WNT10B: variants seen among roughly 807,000 people sequenced by gnomAD.
WNT10B encodes protein Wnt-10b.
In WNT10B, 26 loss-of-function variants were observed where a neutral mutation model predicts 32.7. The ratio of observed to expected loss-of-function variants is 0.79; its 90% confidence interval spans 0.58 to 1.10. WNT10B has a LOEUF of 1.10. Ranked by LOEUF, WNT10B falls within the 50% of genes least tolerant of loss-of-function variation. The pLI is 0.00. For missense variants in WNT10B, 474 were observed against 532.5 expected, an observed-to-expected ratio of 0.89 and a Z score of 1.08; for synonymous variants, 204 against 220.4, an observed-to-expected ratio of 0.93 and a Z score of 0.66.
At position 48,970,067 on chromosome 12, in the gene WNT10B, C is replaced by G. The variant is rs1480431979; in HGVS notation, c.337+22G>C. Reference sequence around the variant, plus strand: ...CACCCCCTAGCCTCCGCGGCAGCGCCGACCCGCCCAGCCAGGCTCACCGCG... The same window carrying G: ...CACCCCCTAGCCTCCGCGGCAGCGCGGACCCGCCCAGCCAGGCTCACCGCG... On this transcript the variant is annotated intron_variant, in intron 3 of 4. Transcript: ENST00000301061. The surrounding 1 kb of genome is among the most constrained non-coding windows in gnomAD (Gnocchi z 5.0). The G allele has an allele frequency of 1.3e-6, 2 of 1,491,770 alleles. No homozygotes were observed. Among genetic ancestry groups the G allele is most frequent in the Non-Finnish European group, 1.8e-6 (2 of 1,123,118 alleles). 92.4% of individuals were successfully genotyped at this position (1,491,770 alleles called of 1,614,324 possible).
At chr12:48,966,752 A>G (rs1359454223) in intron 4 of WNT10B, among the ~76,000 whole-genome samples, 199 bp from the exon 5 acceptor site, 3 of 152,200 alleles carry the variant, frequency 2.0e-5, no homozygotes, top group Non-Finnish European at 4.4e-5. Flanking sequence ...TTGAAGACAG[A>G]GCAGTGTGAT....
rs145553241 is a variant in WNT10B at position 48,970,788 on chromosome 12, C to T, written c.-40-219G>A. The stretch of plus-strand genomic sequence containing the variant: ...GTCAAGGCGTTGTCCCAGCTCAGGA[C>T]TCAAGCGAGCACCCCTGGAACCTTG... On this transcript the variant is annotated intron_variant, in intron 1 of 4. Coordinates refer to ENST00000301061, the MANE Select transcript of WNT10B (RefSeq NM_003394.4). This position sits in a 1 kb window ranked among gnomAD's most constrained non-coding sequence, Gnocchi z 5.0. 1.0e-3 allele frequency: 606 copies of T among 584,296 alleles called. No homozygotes were observed. Among genetic ancestry groups the T allele is most frequent in the African/African-American group, 7.5e-3 (404 of 53,706 alleles). 36.2% of individuals were successfully genotyped at this position (584,296 alleles called of 1,614,324 possible). A position where few individuals can be genotyped will look rare whatever the true frequency, so the allele number is the denominator to read the frequency against.
At position 48,970,192 on chromosome 12, in the gene WNT10B, GAT is replaced by G. The variant is rs1940825964; in HGVS notation, c.232_233del (p.Ile78ArgfsTer20). 2 of 1,580,398 alleles carry G rather than the reference GAT, an allele frequency of 1.3e-6. No individual in the cohort carries two copies. Among genetic ancestry groups the G allele is most frequent in the Admixed American group, 1.8e-5 (1 of 55,514 alleles). Reference sequence around the variant, plus strand: ...GCTGGTGCTGACACTCGTGGACCGCGATGTGCAGACCCTGAAGCGCGGACGCC... The same window carrying G: ...GCTGGTGCTGACACTCGTGGACCGCGGTGCAGACCCTGAAGCGCGGACGCC... ...VTASALQGLHIAVHECQHQLR... is the reference protein window; with the variant it reads ...VTASALQGLHXAVHECQHQLR... On this transcript the variant is annotated frameshift_variant, in exon 3 of 5. Transcript: ENST00000301061. LOFTEE classifies it high-confidence loss of function. The surrounding 1 kb of genome is among the most constrained non-coding windows in gnomAD (Gnocchi z 5.0).
Position 48,970,068 on chromosome 12 carries a change from G to T in WNT10B, c.337+21C>A. The T allele has an allele frequency of 6.7e-7, 1 of 1,492,536 alleles. No individual in the cohort carries two copies. The highest frequency in any genetic ancestry group is 1.3e-5 in the South Asian group (1 of 79,112). The allele number at this position is 1,492,536 out of a possible 1,614,324, so 92.5% of individuals were successfully genotyped here. A position where few individuals can be genotyped will look rare whatever the true frequency, so the allele number is the denominator to read the frequency against. ...ACCCCCTAGCCTCCGCGGCAGCGCC[G>T]ACCCGCCCAGCCAGGCTCACCGCGC... On this transcript the variant is annotated intron_variant, in intron 3 of 4. Transcript: ENST00000301061. This position sits in a 1 kb window ranked among gnomAD's most constrained non-coding sequence, Gnocchi z 5.0.
intron 3 of WNT10B, 127 bp from the exon 4 acceptor site, chr12:48,968,446 C>T (rs1940785702): frequency 7.0e-7 from 1 of 1,437,400 alleles, no homozygotes; most frequent in East Asian, 2.5e-5. Context: ...CCCTGCCATT[C>T]ACCAGCTGAG....
chr12:48,965,835 G>T lies in WNT10B; in HGVS notation c.*260C>A. 1 of 542,162 alleles carries T rather than the reference G, an allele frequency of 1.8e-6. No homozygotes were observed. The highest frequency in any genetic ancestry group is 3.3e-6 in the Non-Finnish European group (1 of 299,948). 33.6% of individuals were successfully genotyped at this position (542,162 alleles called of 1,614,324 possible). The stretch of plus-strand genomic sequence containing the variant: ...GTTGAGAAGTGGGAGGAGCAATACA[G>T]TGCATTTCATCTTAGTCCATTCAGG... On this transcript the variant is annotated 3_prime_UTR_variant, in exon 5 of 5. Transcript: ENST00000301061.
chr12:48,968,298 G>T lies in WNT10B; in HGVS notation c.359C>A (p.Ser120Tyr), dbSNP rs1403899627. 1.9e-6 allele frequency: 3 copies of T among 1,602,350 alleles called. No homozygotes were observed. The South Asian group carries it at 3.3e-5, about 18-fold the overall frequency. ...GACCCCAGCAGCCAGCATGGAGAAG[G>T]AAAAAGCACTTTCTCGGAAACCTGG... The part of the protein sequence containing the change: ...LKRGFRESAF[S>Y]FSMLAAGVMH... The change falls in exon 4 of 5, where the codon TCC (serine) becomes TAC (tyrosine). Residue 120 changes from serine to tyrosine, a missense_variant. Transcript: ENST00000301061.
chr12:48,966,080 A>T lies in WNT10B; in HGVS notation c.*15T>A. ...CACACAGTCCTCTTCCCCAGCCCCAAGGTAAGGCTGACCCTCACTTACACA... is the reference window on the plus strand; with the variant it reads ...CACACAGTCCTCTTCCCCAGCCCCATGGTAAGGCTGACCCTCACTTACACA... On this transcript the variant is annotated 3_prime_UTR_variant, in exon 5 of 5. Coordinates refer to ENST00000301061, the MANE Select transcript of WNT10B (RefSeq NM_003394.4). 3.1e-6 allele frequency: 5 copies of T among 1,613,450 alleles called. No homozygotes were observed. Among genetic ancestry groups the T allele is most frequent in the Non-Finnish European group, 4.2e-6 (5 of 1,179,948 alleles).
chr12:48,966,952 A>G (rs913908992), intron 4 of WNT10B, among the ~76,000 whole-genome samples: 1 of 152,168 alleles, frequency 6.6e-6, no homozygotes, highest in Non-Finnish European at 1.5e-5. Context: ...ATGAGGCACT[A>G]TGCTGGGTAT....
rs557414202 is a variant in WNT10B at position 48,967,254 on chromosome 12, C to T, written c.711+692G>A. ...GATCTAGGCTCACTGCAACCTCTGC[C>T]TCCCAGGTTCAAGCGATTCTCCTGC... On this transcript the variant is annotated intron_variant, in intron 4 of 4. Transcript: ENST00000301061. Among the ~76,000 whole-genome samples, 5 of 151,700 alleles carry T rather than the reference C, an allele frequency of 3.3e-5. No homozygotes were observed. The South Asian group carries it at 1.0e-3, about 32-fold the overall frequency.
At position 48,970,367 on chromosome 12, in the gene WNT10B, G is replaced by T. The variant is rs184390483; in HGVS notation, c.75-16C>A. On this transcript the variant is annotated splice_polypyrimidine_tract_variant and intron_variant, in intron 2 of 4. Coordinates refer to ENST00000301061, the MANE Select transcript of WNT10B (RefSeq NM_003394.4). This position sits in a 1 kb window ranked among gnomAD's most constrained non-coding sequence, Gnocchi z 5.0. ...GCTTAGAGCCCTGGGAACCAAGAAG[G>T]CGTCTGGGGTCTGCGGTCCAGACCC... 4 of 1,614,122 alleles carry T rather than the reference G, an allele frequency of 2.5e-6. No homozygotes were observed. The highest frequency in any genetic ancestry group is 1.6e-4 in the Middle Eastern group (1 of 6,062).
At position 48,965,817 on chromosome 12, in the gene WNT10B, A is replaced by T; in HGVS notation, c.*278T>A. Reference sequence around the variant, plus strand: ...GGTTAAAGGGGCTCTGGAGTTGAGAAGTGGGAGGAGCAATACAGTGCATTT... The same window carrying T: ...GGTTAAAGGGGCTCTGGAGTTGAGATGTGGGAGGAGCAATACAGTGCATTT... On this transcript the variant is annotated 3_prime_UTR_variant, in exon 5 of 5. Transcript: ENST00000301061. 1 of 474,618 alleles carries T rather than the reference A, an allele frequency of 2.1e-6. No homozygotes were observed. Among genetic ancestry groups the T allele is most frequent in the East Asian group, 3.7e-5 (1 of 27,242 alleles). 29.4% of individuals were successfully genotyped at this position (474,618 alleles called of 1,614,324 possible).
chr12:48,965,850 G>T lies in WNT10B; in HGVS notation c.*245C>A. 1 of 565,986 alleles carries T rather than the reference G, an allele frequency of 1.8e-6. No homozygotes were observed. The highest frequency in any genetic ancestry group is 1.9e-5 in the African/African-American group (1 of 53,292). 35.1% of individuals were successfully genotyped at this position (565,986 alleles called of 1,614,324 possible). The stretch of plus-strand genomic sequence containing the variant: ...GAGCAATACAGTGCATTTCATCTTA[G>T]TCCATTCAGGTGTCTAAGGAGCAGA... On this transcript the variant is annotated 3_prime_UTR_variant, in exon 5 of 5. Transcript: ENST00000301061.
Position 48,970,577 on chromosome 12 carries a change from A to G in WNT10B, c.-40-8T>C, listed in dbSNP as rs1228876181. On this transcript the variant is annotated splice_region_variant and splice_polypyrimidine_tract_variant and intron_variant, in intron 1 of 4. Coordinates refer to ENST00000301061, the MANE Select transcript of WNT10B (RefSeq NM_003394.4). The surrounding 1 kb of genome is among the most constrained non-coding windows in gnomAD (Gnocchi z 5.0). ...GGGCAGATCGATCAGGACCTGCGGG[A>G]CGGGAGACTTGATGCGGGTTCAGGA... 1 of 1,549,246 alleles carries G rather than the reference A, an allele frequency of 6.5e-7. No individual in the cohort carries two copies. The highest frequency in any genetic ancestry group is 8.7e-7 in the Non-Finnish European group (1 of 1,144,214).
At chr12:48,967,165 CTTTT>C (rs35075432) in intron 4 of WNT10B, among the ~76,000 whole-genome samples, 2 of 104,370 alleles carry the variant, frequency 1.9e-5, no homozygotes, top group Non-Finnish European at 3.8e-5. Context: ...TAATTTTTGT[CTTTT>C]TTTTTTTTTT....
Position 48,970,539 on chromosome 12 carries a change from C to T in WNT10B, c.-10G>A, listed in dbSNP as rs1394410089. The stretch of plus-strand genomic sequence containing the variant: ...GGGGCTCCTCCAGCATGTCGAAGCC[C>T]GGAGGCTCCGGTGGGCAGATCGATC... On this transcript the variant is annotated 5_prime_UTR_variant, in exon 2 of 5. Transcript: ENST00000301061. The surrounding 1 kb of genome is among the most constrained non-coding windows in gnomAD (Gnocchi z 5.0). 4 of 1,568,952 alleles carry T rather than the reference C, an allele frequency of 2.5e-6. No individual in the cohort carries two copies. Among genetic ancestry groups the T allele is most frequent in the Middle Eastern group, 1.7e-4 (1 of 5,970 alleles).
At chr12:48,971,210 A>C (rs1309513990) in intron 1 of WNT10B, among the ~76,000 whole-genome samples, 1 of 151,906 alleles carries the variant, frequency 6.6e-6, no homozygotes, top group Non-Finnish European at 1.5e-5. Flanking sequence ...GCCTAACTAC[A>C]AGCTCCCCTC....
In WNT10B at chr12:48,968,541, C is replaced by T. The variant is rs531163798; in HGVS notation, c.338-222G>A. On this transcript the variant is annotated intron_variant, in intron 3 of 4. Coordinates refer to ENST00000301061, the MANE Select transcript of WNT10B (RefSeq NM_003394.4). ...TTCATTTCTAAAGGGAGGCAGGAGA[C>T]GATGGGTCAAGATGATCTCTGAGGC... Among the ~76,000 whole-genome samples the T allele has an allele frequency of 1.9e-4, 29 of 152,256 alleles. No individual in the cohort carries two copies. In the East Asian group the frequency reaches 4.8e-3, roughly 25 times the overall value.
In WNT10B at chr12:48,969,269, G is replaced by T. The variant is rs1334936340; in HGVS notation, c.337+820C>A. 1.3e-5 allele frequency: 5 copies of T among 390,480 alleles called. No homozygotes were observed. In the Admixed American group the frequency reaches 1.8e-4, roughly 14 times the overall value. The allele number at this position is 390,480 out of a possible 1,614,324, so 24.2% of individuals were successfully genotyped here. On this transcript the variant is annotated intron_variant, in intron 3 of 4. Coordinates refer to ENST00000301061, the MANE Select transcript of WNT10B (RefSeq NM_003394.4). The stretch of plus-strand genomic sequence containing the variant: ...CTACCCCAGGATCTAGGGCTCCTGG[G>T]CCAGCCTTCTGATCCCCCTAACTCC...
Sources: allele counts gnomAD v4.1 joint callset (sites outside exome capture counted in the v4.1 genomes callset), GRCh38; gene constraint gnomAD v4.1.1; non-coding constraint Gnocchi (gnomAD v3.1); transcripts MANE v1.5; gene names NCBI Gene and HGNC (gene_info 2026-07-23, HGNC 2026-07-21).